Variants in EPB41L4A observed in about 807,000 individuals in gnomAD.
EPB41L4A encodes the protein band 4.1-like protein 4A.
EPB41L4A carries 100 observed loss-of-function variants against 108.6 expected under a neutral mutation model. That is an observed-to-expected ratio of 0.92 (90% CI 0.78 to 1.09). The LOEUF is 1.09. Ranked by LOEUF, EPB41L4A falls within the 50% of genes least tolerant of loss-of-function variation. EPB41L4A has a pLI of 0.00. For synonymous variants in EPB41L4A, 319 were observed against 289.0 expected (o/e 1.10, Z -1.05); for missense variants, 1,030 against 842.7 (o/e 1.22, Z -2.75).
intron 18 of EPB41L4A, among the ~76,000 whole-genome samples, chr5:112,171,548 C>G (rs193164118): frequency 4.6e-4 from 70 of 152,350 alleles, no homozygotes; most frequent in African/African-American, 1.4e-3. Flanking sequence ...GTGGCCTTGG[C>G]TCATGCTGCC....
At chr5:112,152,667 A>C (rs971855229) in intron 12 of EPB41L4A, among the ~76,000 whole-genome samples, 4 of 152,200 alleles carry the variant, frequency 2.6e-5, no homozygotes, top group African/African-American at 9.6e-5. Flanking sequence ...AGTCTAAGTT[A>C]CTTTGTTATA....
At chr5:112,369,165 C>T (rs1359086625) in intron 1 of EPB41L4A, among the ~76,000 whole-genome samples, 3 of 152,292 alleles carry the variant, frequency 2.0e-5, no homozygotes, top group African/African-American at 7.2e-5. Context: ...TAACTCATCC[C>T]CCTTTCTCAT....
intron 1 of EPB41L4A, among the ~76,000 whole-genome samples, chr5:112,397,319 T>C (rs1761421804): frequency 6.6e-6 from 1 of 152,226 alleles, no homozygotes; most frequent in Non-Finnish European, 1.5e-5. Context: ...AAAGAATTCA[T>C]AGACTTGATC....
At chr5:112,303,615 G>A (rs113625978) in intron 2 of EPB41L4A, among the ~76,000 whole-genome samples, 1 of 152,108 alleles carries the variant, frequency 6.6e-6, no homozygotes, top group Non-Finnish European at 1.5e-5. Context: ...AGAACAAAAT[G>A]AGAAGATTTC....
chr5:112,278,862 C>T (rs1752776704), intron 3 of EPB41L4A, among the ~76,000 whole-genome samples: 1 of 149,346 alleles, frequency 6.7e-6, no homozygotes, highest in South Asian at 2.2e-4. Context: ...CGAGACCAGC[C>T]TGGCCAACAA....
chr5:112,236,110 C>T (rs1235730038), intron 11 of EPB41L4A, among the ~76,000 whole-genome samples: 1 of 152,110 alleles, frequency 6.6e-6, no homozygotes, highest in Non-Finnish European at 1.5e-5. Flanking sequence ...AAAATATAAC[C>T]CAATATGTGA....
At position 112,339,257 on chromosome 5, in the gene EPB41L4A, A is replaced by T. The variant is rs371671553; in HGVS notation, c.100-31767T>A. On this transcript the variant is annotated intron_variant, in intron 1 of 22. Transcript: ENST00000261486. ...TGGCTATCACACCACTGATGGGTTT[A>T]AAATAACAGTGTCAGGCTCCTTGAC... 4.3e-4 allele frequency among the ~76,000 whole-genome samples: 65 copies of T among 152,140 alleles called. No individual in the cohort carries two copies. In the East Asian group the frequency reaches 0.011, roughly 26 times the overall value.
chr5:112,169,530 G>C (rs747377339), intron 20 of EPB41L4A, among the ~76,000 whole-genome samples: 1 of 151,906 alleles, frequency 6.6e-6, no homozygotes, highest in Non-Finnish European at 1.5e-5. Context: ...TAAGAAAGTA[G>C]ATCTTAAGTG....
intron 1 of EPB41L4A, among the ~76,000 whole-genome samples, chr5:112,311,556 T>C (rs1755051590): frequency 6.6e-6 from 1 of 152,180 alleles, no homozygotes; most frequent in Non-Finnish European, 1.5e-5. Flanking sequence ...CTACAACCTT[T>C]CGTAGTTCTT....
At chr5:112,155,552 G>A (rs1166731138) in intron 12 of EPB41L4A, among the ~76,000 whole-genome samples, 1 of 152,168 alleles carries the variant, frequency 6.6e-6, no homozygotes, top group East Asian at 1.9e-4. Flanking sequence ...ATCATTCTCT[G>A]ACACATTTCT....
At chr5:112,341,973 T>C (rs1203671368) in intron 1 of EPB41L4A, among the ~76,000 whole-genome samples, 1 of 152,216 alleles carries the variant, frequency 6.6e-6, no homozygotes, top group Non-Finnish European at 1.5e-5. Context: ...GGGAAATTTC[T>C]TCAAATAACT....
At chr5:112,271,838 C>T (rs1752278844) in intron 4 of EPB41L4A, among the ~76,000 whole-genome samples, 1 of 152,102 alleles carries the variant, frequency 6.6e-6, no homozygotes, top group African/African-American at 2.4e-5. Flanking sequence ...AGCTTTCCTA[C>T]CTAAAAGTGC....
At chr5:112,143,809 G>C (rs182004060) in exon 14 of EPB41L4A, 1 of 449,612 alleles carries the variant, frequency 2.2e-6, no homozygotes, top group East Asian at 7.1e-5. Context: ...CAGCAGCCAA[G>C]GAGGTGGGGC....
At chr5:112,289,928 C>A (rs960545234) in intron 2 of EPB41L4A, among the ~76,000 whole-genome samples, 2 of 152,236 alleles carry the variant, frequency 1.3e-5, no homozygotes, top group Non-Finnish European at 2.9e-5. Flanking sequence ...ATCCAGACCT[C>A]TTTTATCTTC....
Position 112,209,906 on chromosome 5 carries a change from AG to A in EPB41L4A, c.1163del (p.Pro388LeufsTer4), listed in dbSNP as rs751010661. 3 of 1,600,144 alleles carry A rather than the reference AG, an allele frequency of 1.9e-6. No homozygotes were observed. The highest frequency in any genetic ancestry group is 1.7e-6 in the Non-Finnish European group (2 of 1,169,328). Reference sequence around the variant, plus strand: ...ACTTCACTGACCTTTTTACTGGTGAAGGTGCAATAATTTTAATTGTTCCTTC... The same window carrying A: ...ACTTCACTGACCTTTTTACTGGTGAAGTGCAATAATTTTAATTGTTCCTTC... ...ENEGTIKIIA[P>X]SPVKSFKKAK... is the part of the protein sequence containing the mutation. On this transcript the variant is annotated frameshift_variant, in exon 13 of 23. Coordinates refer to ENST00000261486, the MANE Select transcript of EPB41L4A (RefSeq NM_022140.5). LOFTEE classifies it high-confidence loss of function.
At chr5:112,356,104 G>A (rs967648966) in intron 1 of EPB41L4A, among the ~76,000 whole-genome samples, 1 of 152,058 alleles carries the variant, frequency 6.6e-6, no homozygotes. Flanking sequence ...GGGTAAGGTG[G>A]GGATTGTATA....
chr5:112,284,604 T>C (rs1164356771), intron 2 of EPB41L4A, among the ~76,000 whole-genome samples: 1 of 152,194 alleles, frequency 6.6e-6, no homozygotes, highest in East Asian at 1.9e-4. Context: ...TGAGATCCCA[T>C]TTTGTAGGAA....
chr5:112,168,976 C>T lies in EPB41L4A; in HGVS notation c.1850+19G>A, dbSNP rs1330430336. On this transcript the variant is annotated intron_variant, in intron 21 of 22. Transcript: ENST00000261486. ...TTGGAGCCATGATGGTGATGGTGTA[C>T]TCTGGCCTGCCCACTTACTTCACTT... The T allele has an allele frequency of 1.9e-6, 3 of 1,582,532 alleles. No individual in the cohort carries two copies. In the African/African-American group the frequency reaches 4.0e-5, roughly 21 times the overall value.
chr5:112,235,387 T>C (rs1749257106), intron 11 of EPB41L4A, among the ~76,000 whole-genome samples: 1 of 152,204 alleles, frequency 6.6e-6, no homozygotes, highest in Non-Finnish European at 1.5e-5. Context: ...AATCATGTGA[T>C]TTAGTTTGCT....
Sources: allele counts gnomAD v4.1 joint callset (sites outside exome capture counted in the v4.1 genomes callset), GRCh38; gene constraint gnomAD v4.1.1; transcripts MANE v1.5; gene names NCBI Gene and HGNC (gene_info 2026-07-23, HGNC 2026-07-21).